Variants in NPNT observed in about 807,000 individuals in gnomAD.
NPNT encodes the protein preosteoblast EGF-like repeat protein with MAM domain.
In NPNT, 45 loss-of-function variants were observed where a neutral mutation model predicts 68.6. That is an observed-to-expected ratio of 0.66 (90% CI 0.52 to 0.84). The LOEUF is 0.84. Among genes scored for constraint, NPNT ranks in the 40% least tolerant of loss-of-function variants. The probability of loss-of-function intolerance (pLI) is 0.00; values close to 1 mark genes in which losing one functional copy is unlikely to be tolerated. For synonymous variants in NPNT, 233 were observed against 253.3 expected, an observed-to-expected ratio of 0.92 and a Z score of 0.76; for missense variants, 672 against 714.8, an observed-to-expected ratio of 0.94 and a Z score of 0.68.
At chr4:105,900,488 A>G (rs932637649) in intron 2 of NPNT, among the ~76,000 whole-genome samples, 13 of 152,218 alleles carry the variant, frequency 8.5e-5, no homozygotes, top group Admixed American at 2.0e-4. Flanking sequence ...GTATCTGTAC[A>G]AAACATGCTG....
chr4:105,932,784 T>A, intron 3 of NPNT: 1 of 989,652 alleles, frequency 1.0e-6, no homozygotes, highest in Non-Finnish European at 1.5e-6. Flanking sequence ...GCAAATGTTC[T>A]GAAGACTAGC....
chr4:105,967,052 A>G lies in NPNT; in HGVS notation c.1346-136A>G, dbSNP rs538204322. 6.1e-4 allele frequency: 484 copies of G among 790,836 alleles called. 1 individual carries two copies. In the African/African-American group the frequency reaches 7.1e-3, roughly 12 times the overall value. 49.0% of individuals were successfully genotyped at this position (790,836 alleles called of 1,614,324 possible). Reference sequence around the variant, plus strand: ...CTTAAGACAGGCATACAAATAAGTCATATTTTTCTTCTTCAAAAATCTGGA... The same window carrying G: ...CTTAAGACAGGCATACAAATAAGTCGTATTTTTCTTCTTCAAAAATCTGGA... On this transcript the variant is annotated intron_variant, in intron 10 of 11. Transcript: ENST00000379987.
chr4:105,913,573 A>C, intron 2 of NPNT, among the ~76,000 whole-genome samples: 1 of 152,210 alleles, frequency 6.6e-6, no homozygotes, highest in Non-Finnish European at 1.5e-5. Context: ...AGTTCTTGAC[A>C]GATGTTTGCT....
intron 8 of NPNT, among the ~76,000 whole-genome samples, chr4:105,946,248 T>A (rs1159303134): frequency 1.3e-5 from 2 of 152,222 alleles, no homozygotes; most frequent in Non-Finnish European, 2.9e-5. Flanking sequence ...ACAGAAAAGT[T>A]ATTTAAACTT....
rs764592815 is a variant in NPNT at position 105,940,534 on chromosome 4, G to T, written c.661G>T (p.Gly221Cys). ...TGCAGACATAGACGAATGCTCACTT[G>T]GTCAGTATCAGTGCAGCAGCTTTGC... ...QCHDIDECSL[G>C]QYQCSSFARC... The change falls in exon 7 of 12, where the codon GGT (glycine) becomes TGT (cysteine). Residue 221 changes from glycine to cysteine, a missense_variant. Physicochemically the swap from Gly to Cys is radical, Grantham distance 159. Coordinates refer to ENST00000379987, the MANE Select transcript of NPNT (RefSeq NM_001033047.3). 1 of 1,612,838 alleles carries T rather than the reference G, an allele frequency of 6.2e-7. No individual in the cohort carries two copies. Among genetic ancestry groups the T allele is most frequent in the South Asian group, 1.1e-5 (1 of 91,008 alleles).
rs932530943 is a variant in NPNT, at chr4:105,969,188, C to T, written c.*198C>T. On this transcript the variant is annotated 3_prime_UTR_variant, in exon 12 of 12. Transcript: ENST00000379987. ...GAACAGTGATACCCTCCTTGAAATA[C>T]AGGGGCATCGCAGACACATCAAAGC... 54 of 470,466 alleles carry T rather than the reference C, an allele frequency of 1.1e-4. No individual in the cohort carries two copies. Among genetic ancestry groups the T allele is most frequent in the Middle Eastern group, 5.5e-4 (1 of 1,834 alleles). 29.1% of individuals were successfully genotyped at this position (470,466 alleles called of 1,614,324 possible).
intron 4 of NPNT, 88 bp from the exon 5 acceptor site, chr4:105,938,213 G>T: frequency 7.5e-7 from 1 of 1,336,186 alleles, no homozygotes; most frequent in South Asian, 1.4e-5. Flanking sequence ...CAGTGTCACT[G>T]ATTTCAGGAC....
chr4:105,940,161 C>A lies in NPNT; in HGVS notation c.592C>A (p.His198Asn). ...TTTTGGGAGCTACATCTGCAAGTGT[C>A]ATAAAGGCTTCGATCTCATGTATAT... ...NTFGSYICKC[H>N]KGFDLMYIGG... The change falls in exon 6 of 12, where the codon CAT (histidine) becomes AAT (asparagine). Residue 198 changes from histidine to asparagine, a missense_variant. Physicochemically the swap from His to Asn is moderately conservative, Grantham distance 68 (BLOSUM62 1). Transcript: ENST00000379987. 6.2e-7 allele frequency: 1 copy of A among 1,613,058 alleles called. No individual in the cohort carries two copies. Among genetic ancestry groups the A allele is most frequent in the Non-Finnish European group, 8.5e-7 (1 of 1,179,096 alleles).
At chr4:105,896,487 G>C (rs1725859911) in intron 1 of NPNT, among the ~76,000 whole-genome samples, 1 of 152,202 alleles carries the variant, frequency 6.6e-6, no homozygotes, top group African/African-American at 2.4e-5. Flanking sequence ...GGTCTGTCGG[G>C]AGGGTGTGCT....
At chr4:105,911,417 A>C (rs1303824753) in intron 2 of NPNT, among the ~76,000 whole-genome samples, 2 of 152,178 alleles carry the variant, frequency 1.3e-5, no homozygotes, top group South Asian at 2.1e-4. Context: ...TGTAAATTAC[A>C]GTGGATATTT....
At chr4:105,924,875 A>C (rs1728569877) in intron 2 of NPNT, among the ~76,000 whole-genome samples, 1 of 152,140 alleles carries the variant, frequency 6.6e-6, no homozygotes, top group Non-Finnish European at 1.5e-5. Flanking sequence ...AATTCCAATT[A>C]TTTTAAGGGG....
Position 105,924,986 on chromosome 4 carries a change from C to T in NPNT, c.173-2350C>T, listed in dbSNP as rs149877869. Among the ~76,000 whole-genome samples, 5 of 151,948 alleles carry T rather than the reference C, an allele frequency of 3.3e-5. No individual in the cohort carries two copies. The East Asian group carries it at 9.7e-4, about 29-fold the overall frequency. ...GATACATGGTTATCCAGGTTGCATG[C>T]ATATATAAATGTTAAGATTTATGGA... is the stretch of plus-strand genomic sequence containing the variant. On this transcript the variant is annotated intron_variant, in intron 2 of 11. Coordinates refer to ENST00000379987, the MANE Select transcript of NPNT (RefSeq NM_001033047.3).
intron 2 of NPNT, among the ~76,000 whole-genome samples, chr4:105,914,577 A>G (rs1246523758): frequency 6.7e-6 from 1 of 149,812 alleles, no homozygotes; most frequent in Non-Finnish European, 1.5e-5. Context: ...AGCTCTAGGC[A>G]TTCACGTCAC....
At chr4:105,898,380 C>CTCTCTCTCTCTCTCTCTCTCTCTCTCTT (rs58673636) in intron 2 of NPNT, among the ~76,000 whole-genome samples, 7 of 112,522 alleles carry the variant, frequency 6.2e-5, no homozygotes, top group African/African-American at 2.2e-4. Flanking sequence ...CTCTCTCTCT[C>CTCTCTCTCTCTCTCTCTCTCTCTCTCTT]GCTGACTCGC....
At chr4:105,922,343 C>G (rs1053061495) in intron 2 of NPNT, among the ~76,000 whole-genome samples, 2 of 151,474 alleles carry the variant, frequency 1.3e-5, no homozygotes, top group Non-Finnish European at 2.9e-5. Context: ...GAGTTAGAAA[C>G]TATTGTCCAA....
At chr4:105,932,622 A>C (rs1184517498) in intron 3 of NPNT, 1 of 1,534,986 alleles carries the variant, frequency 6.5e-7, no homozygotes, top group Non-Finnish European at 8.7e-7. Flanking sequence ...AGACGAGCAC[A>C]TCCCAGCTCC....
At chr4:105,922,388 TA>T (rs376068894) in intron 2 of NPNT, among the ~76,000 whole-genome samples, 2,597 of 128,294 alleles carry the variant, frequency 0.02, 35 homozygotes, top group Middle Eastern at 0.033. Context: ...TTAAGATGGA[TA>T]TTTTTTTTTT....
At chr4:105,959,809 CTTTT>C (rs35297511) in intron 10 of NPNT, among the ~76,000 whole-genome samples, 1 of 131,532 alleles carries the variant, frequency 7.6e-6, no homozygotes, top group Non-Finnish European at 1.6e-5. Flanking sequence ...GTAGTTAAAT[CTTTT>C]TTTTTTTTTT....
intron 2 of NPNT, 200 bp from the exon 3 acceptor site, chr4:105,927,136 C>T (rs1217949915): frequency 8.6e-6 from 3 of 348,740 alleles, no homozygotes; most frequent in Admixed American, 9.0e-5. Context: ...CCAACTGATA[C>T]ACACACATAT....
Sources: allele counts gnomAD v4.1 joint callset (sites outside exome capture counted in the v4.1 genomes callset), GRCh38; gene constraint gnomAD v4.1.1; transcripts MANE v1.5; gene names NCBI Gene and HGNC (gene_info 2026-07-23, HGNC 2026-07-21).